The following NF1 variants were observed in gnomAD, a reference collection of about 807,000 sequenced individuals.
NF1 encodes neurofibromin 1, also known as neurofibromin.
NF1 carries 122 observed loss-of-function variants against 325.7 expected under a neutral mutation model. The observed-to-expected ratio is 0.37, with a 90% CI of 0.32 to 0.44. NF1 has a LOEUF of 0.44. Ranked by LOEUF, NF1 falls within the 20% of genes least tolerant of loss-of-function variation. NF1 has a pLI of 1.00. For missense variants in NF1, 2,140 were observed against 3,415.4 expected, an observed-to-expected ratio of 0.63 and a Z score of 9.31; for synonymous variants, 1,091 against 1,186.0, an observed-to-expected ratio of 0.92 and a Z score of 1.65.
intron 36 of NF1, among the ~76,000 whole-genome samples, chr17:31,316,027 G>A (rs930773194): frequency 9.9e-5 from 15 of 152,048 alleles, no homozygotes; most frequent in Admixed American, 1.3e-4. Flanking sequence ...CTCTCGAGTA[G>A]CTAGGACTAC....
chr17:31,121,887 C>T (rs1914470231), intron 1 of NF1, among the ~76,000 whole-genome samples: 1 of 152,112 alleles, frequency 6.6e-6, no homozygotes, highest in Non-Finnish European at 1.5e-5. Context: ...TTTACTTTGA[C>T]TTTTTCATCC....
chr17:31,119,944 T>C (rs776781440), intron 1 of NF1, among the ~76,000 whole-genome samples: 4 of 152,132 alleles, frequency 2.6e-5, no homozygotes, highest in African/African-American at 7.2e-5. Context: ...ATTTCTGAGG[T>C]ATCTGTTCTG....
Position 31,305,623 on chromosome 17 carries a change from C to T in NF1, c.4836-20197C>T, listed in dbSNP as rs766161104. On this transcript the variant is annotated intron_variant, in intron 36 of 57. Coordinates refer to ENST00000358273, the MANE Select transcript of NF1 (RefSeq NM_001042492.3). ...TTTGGGATCCATTTCAGAATATTTC[C>T]TCGTTATCTATAGCGGGTTTATAAT... 14 of 1,605,420 alleles carry T rather than the reference C, an allele frequency of 8.7e-6. No homozygotes were observed. The Admixed American group carries it at 2.0e-4, about 23-fold the overall frequency.
At position 31,230,165 on chromosome 17, in the gene NF1, C is replaced by T. The variant is rs2151431213; in HGVS notation, c.2991-95C>T. ...AAATATCTTATTGTTTTCAAACTTA[C>T]ATTTAATTCGTTTTACTTGATGACT... On this transcript the variant is annotated intron_variant, in intron 22 of 57. Transcript: ENST00000358273. 4.8e-6 allele frequency: 7 copies of T among 1,472,226 alleles called. No individual in the cohort carries two copies. The South Asian group carries it at 7.2e-5, about 15-fold the overall frequency. 91.2% of individuals were successfully genotyped at this position (1,472,226 alleles called of 1,614,324 possible). A position where few individuals can be genotyped will look rare whatever the true frequency, so the allele number is the denominator to read the frequency against.
chr17:31,207,331 G>A (rs527507622), intron 12 of NF1, among the ~76,000 whole-genome samples: 16 of 152,158 alleles, frequency 1.1e-4, no homozygotes, highest in Middle Eastern at 3.4e-3. Context: ...GTTTTATCTA[G>A]TAAGTTAGTC....
At chr17:31,159,379 T>G (rs538162933) in intron 3 of NF1, among the ~76,000 whole-genome samples, 10 of 152,322 alleles carry the variant, frequency 6.6e-5, no homozygotes, top group African/African-American at 2.4e-4. Context: ...TATGAAGAGA[T>G]CACTATTTGA....
At chr17:31,160,973 TA>T (rs1409919013) in intron 3 of NF1, among the ~76,000 whole-genome samples, 1 of 152,240 alleles carries the variant, frequency 6.6e-6, no homozygotes, top group African/African-American at 2.4e-5. Context: ...AAAGTAATGC[TA>T]TTTATATTAT....
chr17:31,293,160 A>G (rs898942800), intron 36 of NF1, among the ~76,000 whole-genome samples: 14 of 130,714 alleles, frequency 1.1e-4, no homozygotes, highest in Admixed American at 1.7e-4. Flanking sequence ...CCTGGGGGAT[A>G]AGAGCGAGAC....
chr17:31,349,364 C>A, intron 49 of NF1, 113 bp downstream of exon 49: 2 of 1,056,380 alleles, frequency 1.9e-6, no homozygotes, highest in Non-Finnish European at 2.8e-6. Context: ...GCAGAAAGTT[C>A]ACAGTCTAGT....
chr17:31,258,229 C>G (rs2067617284), intron 31 of NF1, 115 bp from the exon 32 acceptor site: 1 of 1,086,146 alleles, frequency 9.2e-7, no homozygotes, highest in Admixed American at 1.7e-5. Flanking sequence ...ATATGTCATT[C>G]ATGAGGACTG....
At chr17:31,234,376 T>C (rs895608991) in intron 27 of NF1, among the ~76,000 whole-genome samples, 5 of 152,042 alleles carry the variant, frequency 3.3e-5, no homozygotes, top group African/African-American at 1.2e-4. Context: ...ATTTTTTAAA[T>C]AAAGAATCAG....
Position 31,374,306 on chromosome 17 carries a change from A to G in NF1, c.*151A>G, listed in dbSNP as rs572360034. 6 of 1,005,928 alleles carry G rather than the reference A, an allele frequency of 6.0e-6. No homozygotes were observed. In the East Asian group the frequency reaches 1.0e-4, roughly 17 times the overall value. 62.3% of individuals were successfully genotyped at this position (1,005,928 alleles called of 1,614,324 possible). On this transcript the variant is annotated 3_prime_UTR_variant, in exon 58 of 58. Transcript: ENST00000358273. ...GGTTTGCCATGTTGCCAGATGATCA[A>G]CTCTTCGAAGCCTTGCCTAAATTTA...
intron 1 of NF1, among the ~76,000 whole-genome samples, chr17:31,119,671 T>C (rs1343396997): frequency 6.6e-6 from 1 of 152,176 alleles, no homozygotes; most frequent in Non-Finnish European, 1.5e-5. Context: ...GTTTTAGTCA[T>C]GAAGTCTTTC....
At position 31,326,109 on chromosome 17, in the gene NF1, A is replaced by G. The variant is rs774720054; in HGVS notation, c.5125A>G (p.Ile1709Val). The G allele has an allele frequency of 4.3e-6, 7 of 1,613,464 alleles. No homozygotes were observed. Among genetic ancestry groups the G allele is most frequent in the South Asian group, 1.1e-5 (1 of 91,082 alleles). The change falls in exon 37 of 58, where the codon ATA (isoleucine) becomes GTA (valine). Residue 1709 changes from isoleucine (I) to valine (V), a missense_variant. Around this residue, in one of 10 missense-constraint regions of NF1, gnomAD observed 147 missense variants for 186.7 expected, o/e 0.79. Transcript: ENST00000358273. ...CAAAGGTAGCAAAAGGCTTGTTTTC[A>G]TAGACTGTCCTGGGAAACTGGCTGA... Reference protein sequence around the residue: ...GLKGSKRLVFIDCPGKLAEHI... With the variant: ...GLKGSKRLVFVDCPGKLAEHI...
Position 31,260,415 on chromosome 17 carries a change from A to T in NF1, c.4477A>T (p.Asn1493Tyr), listed in dbSNP as rs2151464624. Residue 1493 changes from asparagine to tyrosine, a missense_variant, in exon 34 of 58, where the codon AAT (asparagine) becomes TAT (tyrosine). Coordinates refer to ENST00000358273, the MANE Select transcript of NF1 (RefSeq NM_001042492.3). ...TGATTGTCCTACAAGTGATGCAGTA[A>T]ATCATAGTCTTTCCTTCATAAGTGA... ...ASDCPTSDAV[N>Y]HSLSFISDGN... 1 of 1,613,970 alleles carries T rather than the reference A, an allele frequency of 6.2e-7. No homozygotes were observed. Among genetic ancestry groups the T allele is most frequent in the South Asian group, 1.1e-5 (1 of 91,090 alleles).
At chr17:31,223,375 C>T in intron 15 of NF1, 69 bp from the exon 16 acceptor site, 1 of 1,567,712 alleles carries the variant, frequency 6.4e-7, no homozygotes, top group Non-Finnish European at 8.7e-7. Flanking sequence ...GAATGCCATT[C>T]TTATGTCTGG....
intron 5 of NF1, among the ~76,000 whole-genome samples, chr17:31,180,140 G>A (rs944049877): frequency 2.0e-4 from 31 of 152,322 alleles, no homozygotes; most frequent in African/African-American, 7.0e-4. Flanking sequence ...TCCAGGACCA[G>A]ATGGATTCAC....
intron 20 of NF1, 137 bp downstream of exon 20, chr17:31,227,743 T>A: frequency 1.3e-6 from 1 of 775,466 alleles, no homozygotes; most frequent in Non-Finnish European, 2.3e-6. Context: ...GTGGTTTATC[T>A]AGACCTGTAC....
chr17:31,266,185 G>A (rs1384295515), intron 36 of NF1, among the ~76,000 whole-genome samples: 1 of 152,144 alleles, frequency 6.6e-6, no homozygotes, highest in Non-Finnish European at 1.5e-5. Flanking sequence ...GAATTTAACA[G>A]TATTTAACAT....
Sources: allele counts gnomAD v4.1 joint callset (sites outside exome capture counted in the v4.1 genomes callset), GRCh38; gene constraint gnomAD v4.1.1; regional missense constraint gnomAD v4.1.1; transcripts MANE v1.5; gene names NCBI Gene and HGNC (gene_info 2026-07-23, HGNC 2026-07-21).